FBXW7: variants seen among roughly 807,000 people sequenced by gnomAD.
The protein encoded by FBXW7 is F-box and WD repeat domain containing 7.
In FBXW7, 11 loss-of-function variants were observed where a neutral mutation model predicts 86.3. The ratio of observed to expected loss-of-function variants is 0.13; its 90% CI spans 0.08 to 0.21. FBXW7 has a LOEUF of 0.21. FBXW7 is among the 10% of genes least tolerant of loss of function. FBXW7 has a pLI of 1.00. For missense variants in FBXW7, 488 were observed against 847.4 expected (o/e 0.58, Z 5.27); for synonymous variants, 313 against 297.9 (o/e 1.05, Z -0.52).
chr4:152,352,876 G>A, intron 4 of FBXW7: 1 of 1,463,440 alleles, frequency 6.8e-7, no homozygotes, highest in Non-Finnish European at 9.0e-7. Flanking sequence ...ATCTTCCCTT[G>A]AACACAGAAT....
At chr4:152,362,389 T>C (rs540581195) in intron 4 of FBXW7, among the ~76,000 whole-genome samples, 3 of 152,324 alleles carry the variant, frequency 2.0e-5, no homozygotes, top group South Asian at 2.1e-4. Context: ...TGCTGAACTT[T>C]AGTGTAATCT....
chr4:152,333,611 T>A (rs988463934), intron 7 of FBXW7, among the ~76,000 whole-genome samples: 2 of 152,168 alleles, frequency 1.3e-5, no homozygotes, highest in African/African-American at 2.4e-5. Context: ...AGTTTTCATA[T>A]GAAATAAATG....
At chr4:152,334,599 T>A (rs1400747243) in intron 7 of FBXW7, among the ~76,000 whole-genome samples, 1 of 152,206 alleles carries the variant, frequency 6.6e-6, no homozygotes, top group Non-Finnish European at 1.5e-5. Context: ...AGTCAATGTA[T>A]CTTAAAGACT....
chr4:152,535,420 G>A lies in FBXW7; in HGVS notation c.-506C>T, dbSNP rs1750446069. 3 of 388,788 alleles carry A rather than the reference G, an allele frequency of 7.7e-6. No homozygotes were observed. Among genetic ancestry groups the A allele is most frequent in the East Asian group, 3.6e-5 (1 of 27,528 alleles). The allele number at this position is 388,788 out of a possible 1,614,324, so 24.1% of individuals were successfully genotyped here. The stretch of plus-strand genomic sequence containing the variant: ...GGGCTGAGGGGAGGGGGAAGGTGAG[G>A]AAAGGACGGCGGCGTCGGTCCTGTT... On this transcript the variant is annotated 5_prime_UTR_variant, in exon 1 of 14. Coordinates refer to ENST00000281708, the MANE Select transcript of FBXW7 (RefSeq NM_001349798.2).
At chr4:152,382,245 T>C in intron 4 of FBXW7, 1 of 1,602,134 alleles carries the variant, frequency 6.2e-7, no homozygotes, top group Non-Finnish European at 8.5e-7. Context: ...AATATCTTCA[T>C]CACAGTTTGA....
At chr4:152,374,884 A>C (rs914531534) in intron 4 of FBXW7, among the ~76,000 whole-genome samples, 1 of 151,078 alleles carries the variant, frequency 6.6e-6, no homozygotes, top group African/African-American at 2.4e-5. Context: ...GACTAGTTAC[A>C]GGAGGGGGGG....
rs566090768 is a variant in FBXW7, at chr4:152,359,014, A to G, written c.502-8890T>C. The stretch of plus-strand genomic sequence containing the variant: ...CATTGTTAAAGAAGAAAAAAGTGTT[A>G]TATTTTGCAAAAAGTATGTATGTAA... On this transcript the variant is annotated intron_variant, in intron 4 of 13. Coordinates refer to ENST00000281708, the MANE Select transcript of FBXW7 (RefSeq NM_001349798.2). Among the ~76,000 whole-genome samples the G allele has an allele frequency of 4.6e-5, 7 of 152,302 alleles. No individual in the cohort carries two copies. The South Asian group carries it at 1.2e-3, about 27-fold the overall frequency.
At chr4:152,501,536 C>G (rs1310242601) in intron 2 of FBXW7, among the ~76,000 whole-genome samples, 1 of 152,170 alleles carries the variant, frequency 6.6e-6, no homozygotes, top group East Asian at 1.9e-4. Context: ...ATGGCCACTA[C>G]TGGTTTTAAA....
chr4:152,328,579 T>C (rs1729270032), intron 10 of FBXW7, 190 bp from the exon 11 acceptor site: 1 of 431,504 alleles, frequency 2.3e-6, no homozygotes, highest in Non-Finnish European at 4.0e-6. Context: ...ATTATAAATT[T>C]ATATAAGCAC....
At chr4:152,470,799 C>T (rs558767351) in intron 2 of FBXW7, among the ~76,000 whole-genome samples, 1 of 152,166 alleles carries the variant, frequency 6.6e-6, no homozygotes, top group East Asian at 1.9e-4. Context: ...ATTTTTTAAT[C>T]ACCTCATGCC....
At chr4:152,427,871 A>G (rs1739526231) in intron 2 of FBXW7, among the ~76,000 whole-genome samples, 1 of 152,210 alleles carries the variant, frequency 6.6e-6, no homozygotes. Context: ...TGACAACAAA[A>G]AAGCCATTAA....
chr4:152,533,248 A>C (rs77683286), intron 2 of FBXW7, among the ~76,000 whole-genome samples: 2 of 152,074 alleles, frequency 1.3e-5, no homozygotes, highest in South Asian at 4.1e-4. Context: ...AGTAGGTCCT[A>C]AAGTTAGTAA....
intron 4 of FBXW7, among the ~76,000 whole-genome samples, chr4:152,389,172 T>C (rs889404449): frequency 1.3e-5 from 2 of 152,100 alleles, no homozygotes; most frequent in Non-Finnish European, 2.9e-5. Flanking sequence ...GAAATGCTTA[T>C]ACGGTGTTGG....
At chr4:152,408,507 T>G (rs1737634543) in intron 4 of FBXW7, among the ~76,000 whole-genome samples, 1 of 152,214 alleles carries the variant, frequency 6.6e-6, no homozygotes, top group African/African-American at 2.4e-5. Flanking sequence ...ATAAAATTTT[T>G]TAACAGCGTC....
At chr4:152,450,631 C>A (rs1433037720) in intron 2 of FBXW7, among the ~76,000 whole-genome samples, 1 of 152,052 alleles carries the variant, frequency 6.6e-6, no homozygotes, top group Non-Finnish European at 1.5e-5. Context: ...AAAACAAGTA[C>A]CAGGCATTAA....
chr4:152,516,079 T>G (rs1044595009), intron 2 of FBXW7, among the ~76,000 whole-genome samples: 1 of 152,160 alleles, frequency 6.6e-6, no homozygotes, highest in African/African-American at 2.4e-5. Flanking sequence ...TCAGAAGAGA[T>G]AGGAGCCCCG....
chr4:152,525,774 T>C (rs1579435573), intron 2 of FBXW7, among the ~76,000 whole-genome samples: 1 of 152,120 alleles, frequency 6.6e-6, no homozygotes, highest in East Asian at 1.9e-4. Context: ...CGTGTGCATG[T>C]GTCTTTATGG....
chr4:152,474,077 A>G (rs1249270305), intron 2 of FBXW7, among the ~76,000 whole-genome samples: 1 of 152,216 alleles, frequency 6.6e-6, no homozygotes, highest in African/African-American at 2.4e-5. Context: ...TGACCAAATT[A>G]AGACAACAGA....
At chr4:152,532,265 A>C (rs969490687) in intron 2 of FBXW7, among the ~76,000 whole-genome samples, 6 of 152,226 alleles carry the variant, frequency 3.9e-5, no homozygotes, top group Non-Finnish European at 8.8e-5. Context: ...CTTTCAACAC[A>C]CTAAGCATCT....
Sources: gnomAD v4.1 joint callset for allele counts (sites outside exome capture counted in the v4.1 genomes callset) on GRCh38, gnomAD v4.1.1 for gene constraint, MANE v1.5 for transcripts, NCBI Gene and HGNC (gene_info 2026-07-23, HGNC 2026-07-21) for gene names.